Variants in C3orf33 observed in about 807,000 individuals in gnomAD.
The protein encoded by C3orf33 is mitochondrial inner membrane subdomain organizer 1.
A neutral mutation model predicts 28.7 loss-of-function variants in C3orf33; 23 were observed. The ratio of observed to expected loss-of-function variants is 0.80; its 90% CI spans 0.58 to 1.13. The LOEUF is 1.13. Among genes scored for constraint, C3orf33 ranks in the 50% most tolerant of loss-of-function variants. The pLI is 0.00. For missense variants in C3orf33, 327 were observed against 353.4 expected, an observed-to-expected ratio of 0.93 and a Z score of 0.60; for synonymous variants, 119 against 120.5, an observed-to-expected ratio of 0.99 and a Z score of 0.08.
At chr3:155,788,682 A>G (rs966672099) in intron 2 of C3orf33, among the ~76,000 whole-genome samples, 5 of 150,912 alleles carry the variant, frequency 3.3e-5, no homozygotes, top group East Asian at 1.9e-4. Flanking sequence ...CTCCATCAAA[A>G]AAAAAAAAAA....
At position 155,806,184 on chromosome 3, in the gene C3orf33, C is replaced by A. The variant is rs1274091990; in HGVS notation, c.69G>T (p.Val23=). The A allele has an allele frequency of 7.3e-6, 11 of 1,502,450 alleles. No individual in the cohort carries two copies. The highest frequency in any genetic ancestry group is 9.8e-6 in the Non-Finnish European group (11 of 1,126,690). The allele number at this position is 1,502,450 out of a possible 1,614,324, so 93.1% of individuals were successfully genotyped here. A position where few individuals can be genotyped will look rare whatever the true frequency, so the allele number is the denominator to read the frequency against. The change falls in exon 1 of 5, where the codon GTG becomes GTT. Residue 23 remains valine, a synonymous_variant. Coordinates refer to ENST00000340171, the MANE Select transcript of C3orf33 (RefSeq NM_001308229.2). ...ADKDGMEPNV[V]ARISQWADDH... ...CGTCTGCCCACTGCGAGATCCGAGC[C>A]ACGACGTTGGGCTCCATTCCGTCCT...
At chr3:155,800,701 CAG>C (rs1751623213) in intron 2 of C3orf33, among the ~76,000 whole-genome samples, 2 of 141,330 alleles carry the variant, frequency 1.4e-5, no homozygotes, top group South Asian at 4.6e-4. Context: ...ATCAGGGACT[CAG>C]AATGTACAGA....
At chr3:155,784,694 C>T (rs1317853576) in intron 2 of C3orf33, among the ~76,000 whole-genome samples, 1 of 151,220 alleles carries the variant, frequency 6.6e-6, no homozygotes, top group Admixed American at 6.6e-5. Context: ...CCACTGCACT[C>T]CAGCCTGGGT....
rs1751391618 is a variant in C3orf33, at chr3:155,793,829, T to TAAAAA, written c.174+8698_174+8702dup. 3.7e-3 allele frequency among the ~76,000 whole-genome samples: 314 copies of TAAAAA among 84,602 alleles called. 44 individuals carry two copies. The highest frequency in any genetic ancestry group is 4.7e-3 in the Non-Finnish European group (196 of 41,648). The allele number at this position is 84,602 out of a possible 152,430, so 55.5% of individuals were successfully genotyped here. The stretch of plus-strand genomic sequence containing the variant: ...TGACTCAAAAAAAAAAAAAAAAAAC[T>TAAAAA]AAAAAAACTAAAAAAACTAAAACAG... On this transcript the variant is annotated intron_variant, in intron 2 of 4. Coordinates refer to ENST00000340171, the MANE Select transcript of C3orf33 (RefSeq NM_001308229.2).
chr3:155,795,093 T>C (rs1181082207), intron 2 of C3orf33, among the ~76,000 whole-genome samples: 4 of 152,224 alleles, frequency 2.6e-5, no homozygotes, highest in Non-Finnish European at 5.9e-5. Context: ...CTGAAGAATA[T>C]ACATTCTTCT....
chr3:155,776,898 C>T (rs2109259466), intron 2 of C3orf33, among the ~76,000 whole-genome samples: 1 of 151,292 alleles, frequency 6.6e-6, no homozygotes. Context: ...GAATAAATCA[C>T]TTGGTTTTCC....
chr3:155,805,850 T>A, intron 1 of C3orf33: 2 of 514,574 alleles, frequency 3.9e-6, no homozygotes, highest in South Asian at 4.7e-5. Flanking sequence ...CCAGGTGGCA[T>A]CCCCGAGCTG....
chr3:155,771,017 CTGTGTGTGTGTGTGTGTGTGTG>C (rs71138678), intron 3 of C3orf33, among the ~76,000 whole-genome samples: 1 of 109,602 alleles, frequency 9.1e-6, no homozygotes, highest in East Asian at 2.9e-4. Flanking sequence ...TGCTCTGCCA[CTGTGTGTGTGTGTGTGTGTGTG>C]TGTGTGTGTG....
chr3:155,799,612 C>A (rs1241414141), intron 2 of C3orf33, among the ~76,000 whole-genome samples: 2 of 152,104 alleles, frequency 1.3e-5, no homozygotes, highest in African/African-American at 4.8e-5. Flanking sequence ...TCGCTTGAGC[C>A]CGCAAGACCA....
At chr3:155,776,759 CAAAAAAA>C (rs10654812) in intron 2 of C3orf33, among the ~76,000 whole-genome samples, 16 of 86,888 alleles carry the variant, frequency 1.8e-4, no homozygotes, top group East Asian at 7.3e-4. Context: ...CTGACTCTGT[CAAAAAAA>C]AAAAAAAAAA....
chr3:155,787,006 G>C (rs1577427746), intron 2 of C3orf33, among the ~76,000 whole-genome samples: 1 of 152,042 alleles, frequency 6.6e-6, no homozygotes, highest in Admixed American at 6.6e-5. Context: ...GATTTAAAAG[G>C]GGACTAACAC....
rs2109246903 is a variant in C3orf33 at position 155,763,884 on chromosome 3, ATTT to A, written c.515_517del (p.Glu172_Ile173delinsVal). On this transcript the variant is annotated inframe_deletion, in exon 5 of 5. Coordinates refer to ENST00000340171, the MANE Select transcript of C3orf33 (RefSeq NM_001308229.2). ...AGTTTTGCCAAGGCCTCTTCTCAAA[ATTT>A]CTTCATTCAGATTCACGCTGAAATA... 2.0e-6 allele frequency: 3 copies of A among 1,494,484 alleles called. No individual in the cohort carries two copies. In the South Asian group the frequency reaches 4.2e-5, roughly 21 times the overall value. The allele number at this position is 1,494,484 out of a possible 1,614,324, so 92.6% of individuals were successfully genotyped here. A position where few individuals can be genotyped will look rare whatever the true frequency, so the allele number is the denominator to read the frequency against.
chr3:155,792,180 C>T (rs1268021501), intron 2 of C3orf33, among the ~76,000 whole-genome samples: 5 of 152,190 alleles, frequency 3.3e-5, no homozygotes, highest in Non-Finnish European at 7.3e-5. Flanking sequence ...ACAAGAGTCT[C>T]TGCCTGGTAA....
Position 155,806,160 on chromosome 3 carries a change from G to T in C3orf33, c.93C>A (p.Asp31Glu). The change falls in exon 1 of 5, where the codon GAC (aspartate) becomes GAA (glutamate). Residue 31 changes from aspartate (D) to glutamate (E), a missense_variant. Coordinates refer to ENST00000340171, the MANE Select transcript of C3orf33 (RefSeq NM_001308229.2). ...NVVARISQWADDHLRLVRNIS... is the reference protein window; with the variant it reads ...NVVARISQWAEDHLRLVRNIS... ...GTACCCGGACTAGGCGCAGGTGGTC[G>T]TCTGCCCACTGCGAGATCCGAGCCA... 6.8e-7 allele frequency: 1 copy of T among 1,481,246 alleles called. No individual in the cohort carries two copies. Among genetic ancestry groups the T allele is most frequent in the Non-Finnish European group, 9.0e-7 (1 of 1,111,972 alleles). The allele number at this position is 1,481,246 out of a possible 1,614,324, so 91.8% of individuals were successfully genotyped here.
At chr3:155,789,645 G>T (rs532191514) in intron 2 of C3orf33, among the ~76,000 whole-genome samples, 1 of 151,882 alleles carries the variant, frequency 6.6e-6, no homozygotes, top group South Asian at 2.1e-4. Context: ...AATCACAAGG[G>T]ATCTCAAATA....
intron 2 of C3orf33, among the ~76,000 whole-genome samples, chr3:155,798,812 C>T (rs965275150): frequency 2.0e-5 from 3 of 152,056 alleles, no homozygotes; most frequent in East Asian, 1.9e-4. Flanking sequence ...ACAAAGGAAA[C>T]GATTACCAAA....
At chr3:155,803,015 C>T (rs1461072284) in intron 1 of C3orf33, among the ~76,000 whole-genome samples, 1 of 151,892 alleles carries the variant, frequency 6.6e-6, no homozygotes, top group African/African-American at 2.4e-5. Context: ...TATACAGTAC[C>T]CATAGTAATT....
chr3:155,775,559 T>C, intron 3 of C3orf33, 142 bp downstream of exon 3: 3 of 490,794 alleles, frequency 6.1e-6, no homozygotes, highest in Non-Finnish European at 1.0e-5. Flanking sequence ...CCTCCTTATA[T>C]ATAAAGCCAA....
chr3:155,780,631 C>T (rs1278548072), intron 2 of C3orf33, among the ~76,000 whole-genome samples: 1 of 152,154 alleles, frequency 6.6e-6, no homozygotes, highest in African/African-American at 2.4e-5. Context: ...ACAAAAAGAA[C>T]ACTGAAGCAT....
Sources: gnomAD v4.1 joint callset for allele counts (sites outside exome capture counted in the v4.1 genomes callset) on GRCh38, gnomAD v4.1.1 for gene constraint, MANE v1.5 for transcripts, NCBI Gene and HGNC (gene_info 2026-07-23, HGNC 2026-07-21) for gene names.